Variants in TIAM1 observed in about 807,000 individuals in gnomAD.
TIAM1 encodes TIAM Rac1 associated GEF 1.
In TIAM1, 65 loss-of-function variants were observed where a neutral mutation model predicts 163.5. The ratio of observed to expected loss-of-function variants is 0.40; its 90% CI spans 0.33 to 0.49. The LOEUF is 0.49. Among genes scored for constraint, TIAM1 ranks in the 20% least tolerant of loss-of-function variants. TIAM1 has a pLI of 0.77. For missense variants in TIAM1, 1,789 were observed against 2,044.7 expected, an observed-to-expected ratio of 0.87 and a Z score of 2.41; for synonymous variants, 833 against 810.1, an observed-to-expected ratio of 1.03 and a Z score of -0.48.
intron 2 of TIAM1, among the ~76,000 whole-genome samples, chr21:31,416,499 G>A (rs147587331): frequency 4.6e-5 from 7 of 151,986 alleles, no homozygotes; most frequent in African/African-American, 1.7e-4. Context: ...TGAGTCCCCA[G>A]AATCCATTAT....
intron 10 of TIAM1, among the ~76,000 whole-genome samples, chr21:31,210,612 AGGGAG>A (rs2086710936): frequency 3.1e-5 from 2 of 65,110 alleles, no homozygotes; most frequent in African/African-American, 6.4e-5. Context: ...GAAGGAAGGA[AGGGAG>A]AAAGAAAGAA....
intron 1 of TIAM1, among the ~76,000 whole-genome samples, chr21:31,557,739 C>A (rs1263389451): frequency 1.3e-5 from 2 of 152,306 alleles, no homozygotes; most frequent in South Asian, 4.1e-4. Context: ...TCCCCAAGGG[C>A]TCGCGCACGT....
intron 6 of TIAM1, among the ~76,000 whole-genome samples, chr21:31,239,372 T>C (rs1007389530): frequency 6.6e-6 from 1 of 152,146 alleles, no homozygotes; most frequent in Admixed American, 6.6e-5. Context: ...CTCAGTGATC[T>C]GCCTGCCTTG....
intron 1 of TIAM1, among the ~76,000 whole-genome samples, chr21:31,498,151 A>G (rs1241282209): frequency 6.6e-6 from 1 of 152,344 alleles, no homozygotes; most frequent in Middle Eastern, 3.4e-3. Context: ...TCCCTTGGAG[A>G]TAACAGCCAA....
intron 1 of TIAM1, among the ~76,000 whole-genome samples, chr21:31,507,798 T>C (rs1051721748): frequency 1.3e-5 from 2 of 152,096 alleles, no homozygotes; most frequent in African/African-American, 2.4e-5. Context: ...TCAATCATAT[T>C]ATGGGAAGGT....
At chr21:31,338,423 G>A (rs1169109866) in intron 2 of TIAM1, among the ~76,000 whole-genome samples, 3 of 152,194 alleles carry the variant, frequency 2.0e-5, no homozygotes, top group Non-Finnish European at 4.4e-5. Context: ...TAACAAGGTC[G>A]AGGTGCGTTT....
intron 1 of TIAM1, among the ~76,000 whole-genome samples, chr21:31,343,121 A>C (rs111849612): frequency 6.6e-6 from 1 of 152,172 alleles, no homozygotes; most frequent in Admixed American, 6.5e-5. Context: ...AAACATTCTC[A>C]TGAAGGATTC....
In TIAM1 at chr21:31,252,092, T is replaced by C. The variant is rs771506998; in HGVS notation, c.1061A>G (p.Asn354Ser). 9.3e-6 allele frequency: 15 copies of C among 1,613,578 alleles called. No individual in the cohort carries two copies. The highest frequency in any genetic ancestry group is 1.6e-4 in the Middle Eastern group (1 of 6,084). The change falls in exon 5 of 28, where the codon AAC (asparagine) becomes AGC (serine). Residue 354 changes from asparagine (N) to serine (S), a missense_variant. By Grantham distance (46) the Asn-to-Ser change is conservative (BLOSUM62 1). Transcript: ENST00000541036. ...DLLSRRSNAT[N>S]SSYSPTTGRA... ...GCCTGTGGTGGGTGAGTAGCTGGAG[T>C]TGGTGGCATTAGATCGCCTGGACAG... is the stretch of plus-strand genomic sequence containing the variant.
intron 2 of TIAM1, among the ~76,000 whole-genome samples, chr21:31,330,923 C>G (rs534522008): frequency 1.3e-5 from 2 of 151,526 alleles, no homozygotes; most frequent in South Asian, 4.2e-4. Flanking sequence ...TTTTCAAGCA[C>G]TTCAGATGGA....
intron 1 of TIAM1, among the ~76,000 whole-genome samples, chr21:31,495,880 G>C (rs539243657): frequency 6.6e-6 from 1 of 152,144 alleles, no homozygotes; most frequent in Admixed American, 6.5e-5. Context: ...GCTGAGGTAG[G>C]AGAATCACTT....
At chr21:31,171,167 T>A (rs1403320781) in intron 15 of TIAM1, among the ~76,000 whole-genome samples, 2 of 151,988 alleles carry the variant, frequency 1.3e-5, no homozygotes, top group Non-Finnish European at 2.9e-5. Context: ...GACGGTAGAT[T>A]ACCCACGTGA....
intron 2 of TIAM1, chr21:31,453,138 G>A: frequency 3.3e-6 from 1 of 303,588 alleles, no homozygotes; most frequent in Non-Finnish European, 6.6e-6. Context: ...CCTGAAAAAA[G>A]TGTTTGAAGA....
At chr21:31,240,737 A>G (rs2071125616) in intron 6 of TIAM1, among the ~76,000 whole-genome samples, 1 of 152,240 alleles carries the variant, frequency 6.6e-6, no homozygotes, top group Non-Finnish European at 1.5e-5. Flanking sequence ...CAGTCGCCTG[A>G]AGCAGTGATA....
At chr21:31,159,705 C>T (rs1008079718) in intron 16 of TIAM1, among the ~76,000 whole-genome samples, 10 of 152,190 alleles carry the variant, frequency 6.6e-5, no homozygotes, top group East Asian at 1.9e-4. Context: ...ATCAGGTGTA[C>T]GCACTGTAGA....
intron 6 of TIAM1, among the ~76,000 whole-genome samples, chr21:31,237,510 C>G (rs1384018602): frequency 1.3e-5 from 2 of 152,166 alleles, no homozygotes; most frequent in African/African-American, 4.8e-5. Flanking sequence ...AAAATGGTAA[C>G]TGTTAAGCAT....
Position 31,266,204 on chromosome 21 carries a change from A to G in TIAM1, c.769T>C (p.Cys257Arg). 1 of 1,614,166 alleles carries G rather than the reference A, an allele frequency of 6.2e-7. No individual in the cohort carries two copies. The highest frequency in any genetic ancestry group is 8.5e-7 in the Non-Finnish European group (1 of 1,180,038). Residue 257 changes from cysteine to arginine, a missense_variant, in exon 4 of 28, where the codon TGT becomes CGT. Cys to Arg is a radical substitution (Grantham distance 180, BLOSUM62 -3). Around this residue, in one of 5 missense-constraint regions of TIAM1, gnomAD observed 555 missense variants for 564.9 expected, o/e 0.98. Transcript: ENST00000541036. ...GGAATATCAGACACCAAATTCCGAC[A>G]GTAGCCTGCAAATTTGCTCCCCGGC... ...GGPGSKFAGY[C>R]RNLVSDIPNL... is the part of the protein sequence containing the mutation.
At chr21:31,274,625 A>G (rs1274877778) in intron 3 of TIAM1, among the ~76,000 whole-genome samples, 3 of 152,190 alleles carry the variant, frequency 2.0e-5, no homozygotes, top group African/African-American at 7.2e-5. Flanking sequence ...CACATGAACA[A>G]TGCCCAGCCC....
chr21:31,306,472 A>G (rs2074715211), intron 2 of TIAM1, among the ~76,000 whole-genome samples: 1 of 152,166 alleles, frequency 6.6e-6, no homozygotes, highest in South Asian at 2.1e-4. Context: ...GAGGAAAATA[A>G]TAACTTCACA....
At chr21:31,543,511 A>AGAGTCAC (rs3842447) in intron 1 of TIAM1, among the ~76,000 whole-genome samples, 1 of 151,436 alleles carries the variant, frequency 6.6e-6, no homozygotes, top group East Asian at 2.0e-4. Context: ...CACACAGAAA[A>AGAGTCAC]GAAACATTGT....
Sources: allele counts gnomAD v4.1 joint callset (sites outside exome capture counted in the v4.1 genomes callset), GRCh38; gene constraint gnomAD v4.1.1; regional missense constraint gnomAD v4.1.1; transcripts MANE v1.5; gene names NCBI Gene and HGNC (gene_info 2026-07-23, HGNC 2026-07-21).